Variants in USP34 observed in about 807,000 individuals in gnomAD.
USP34 encodes the protein ubiquitin carboxyl-terminal hydrolase 34.
In USP34, 70 loss-of-function variants were observed where a neutral mutation model predicts 460.3. The observed-to-expected ratio is 0.15, with a 90% CI of 0.13 to 0.19. USP34 has a LOEUF of 0.19. USP34 is among the 10% of genes least tolerant of loss of function. The pLI, the probability that USP34 is intolerant of heterozygous loss-of-function variation, is 1.00. For synonymous variants in USP34, 1,647 were observed against 1,405.3 expected (o/e 1.17, Z -3.85); for missense variants, 3,985 against 4,236.2 (o/e 0.94, Z 1.65).
intron 57 of USP34, among the ~76,000 whole-genome samples, chr2:61,233,732 G>A (rs1046654638): frequency 6.6e-6 from 1 of 152,016 alleles, no homozygotes; most frequent in South Asian, 2.1e-4. Flanking sequence ...GGCTGAGGGA[G>A]GAGGCTGAGG....
chr2:61,222,364 C>T (rs1006481459), intron 65 of USP34, among the ~76,000 whole-genome samples: 2 of 152,226 alleles, frequency 1.3e-5, no homozygotes, highest in Non-Finnish European at 2.9e-5. Context: ...AATCAAACAA[C>T]TTTAAAGCCT....
rs1688001857 is a variant in USP34 at position 61,234,353 on chromosome 2, C to G, written c.7032+1492G>C. Among the ~76,000 whole-genome samples, 3 of 152,154 alleles carry G rather than the reference C, an allele frequency of 2.0e-5. No individual in the cohort carries two copies. In the South Asian group the frequency reaches 6.2e-4, roughly 32 times the overall value. On this transcript the variant is annotated intron_variant, in intron 57 of 79. Coordinates refer to ENST00000398571, the MANE Select transcript of USP34 (RefSeq NM_014709.4). ...AGATTTACAACTCTTTGGTTGCTAA[C>G]CTAGAAGTTAAGATGGCAATATGAT... is the stretch of plus-strand genomic sequence containing the variant.
At chr2:61,386,910 G>A (rs1693163418) in intron 5 of USP34, among the ~76,000 whole-genome samples, 1 of 152,048 alleles carries the variant, frequency 6.6e-6, no homozygotes, top group Non-Finnish European at 1.5e-5. Flanking sequence ...ACAACATGAA[G>A]CTTGATGAAT....
At chr2:61,412,886 CA>C (rs10717013) in intron 2 of USP34, among the ~76,000 whole-genome samples, 4,773 of 72,584 alleles carry the variant, frequency 0.066, 200 homozygotes, top group African/African-American at 0.21. Flanking sequence ...AATCCCATCT[CA>C]AAAAAAAAAA....
intron 35 of USP34, 91 bp from the exon 36 acceptor site, chr2:61,283,540 ACTTCCCCCC>A: frequency 7.3e-7 from 1 of 1,376,330 alleles, no homozygotes; most frequent in Admixed American, 2.2e-5. Flanking sequence ...TAAGGTTATC[ACTTCCCCCC>A]CAAAAAAGGA....
At chr2:61,284,169 A>T (rs562096863) in intron 35 of USP34, among the ~76,000 whole-genome samples, 8 of 152,248 alleles carry the variant, frequency 5.3e-5, no homozygotes, top group Non-Finnish European at 4.4e-5. Flanking sequence ...GACTGAAATA[A>T]GTAAACCCTC....
intron 6 of USP34, 93 bp downstream of exon 6, chr2:61,383,176 T>C (rs1339835140): frequency 5.8e-6 from 5 of 857,684 alleles, no homozygotes; most frequent in African/African-American, 3.5e-5. Context: ...AGGATATGAC[T>C]ATAGGGGACT....
intron 2 of USP34, among the ~76,000 whole-genome samples, chr2:61,410,458 A>T (rs985724425): frequency 6.6e-6 from 1 of 152,230 alleles, no homozygotes; most frequent in East Asian, 1.9e-4. Context: ...TCACTCACTC[A>T]TCTGCCCTTC....
intron 30 of USP34, among the ~76,000 whole-genome samples, 181 bp from the exon 31 acceptor site, chr2:61,295,471 G>A (rs1689995881): frequency 6.6e-6 from 1 of 152,054 alleles, no homozygotes; most frequent in Admixed American, 6.6e-5. Context: ...CATCAATTAT[G>A]CATTAAATTT....
chr2:61,452,374 G>C (rs1255703844), intron 1 of USP34, among the ~76,000 whole-genome samples: 5 of 130,890 alleles, frequency 3.8e-5, no homozygotes, highest in Non-Finnish European at 6.2e-5. Context: ...ACCCAGGCTA[G>C]AGTGTAGTGG....
At chr2:61,241,710 A>T in intron 52 of USP34, 55 bp from the exon 53 acceptor site, 1 of 1,519,406 alleles carries the variant, frequency 6.6e-7, no homozygotes, top group South Asian at 1.2e-5. Flanking sequence ...TTACTCTAAA[A>T]GTAGACAATG....
intron 43 of USP34, among the ~76,000 whole-genome samples, chr2:61,263,920 A>T (rs560125460): frequency 6.6e-6 from 1 of 152,196 alleles, no homozygotes; most frequent in Non-Finnish European, 1.5e-5. Context: ...ATCTACTCAT[A>T]ATCAGCACAT....
At chr2:61,321,062 G>C (rs1690904335) in intron 21 of USP34, among the ~76,000 whole-genome samples, 1 of 152,128 alleles carries the variant, frequency 6.6e-6, no homozygotes, top group South Asian at 2.1e-4. Context: ...TTTAGTCCTA[G>C]CTACTTGGGA....
At chr2:61,195,545 A>G (rs1272994386) in intron 75 of USP34, among the ~76,000 whole-genome samples, 2 of 151,560 alleles carry the variant, frequency 1.3e-5, no homozygotes, top group Non-Finnish European at 2.9e-5. Flanking sequence ...GGTGGCACGC[A>G]CCTGTAATCC....
chr2:61,218,319 A>G (rs1483937665), intron 67 of USP34, among the ~76,000 whole-genome samples: 29 of 148,112 alleles, frequency 2.0e-4, no homozygotes, highest in African/African-American at 5.2e-4. Flanking sequence ...CTTCCAGGAA[A>G]AAAAAAAAAA....
At chr2:61,414,507 T>G (rs952544281) in intron 2 of USP34, among the ~76,000 whole-genome samples, 3 of 152,154 alleles carry the variant, frequency 2.0e-5, no homozygotes, top group Non-Finnish European at 2.9e-5. Context: ...AGAAAAGATG[T>G]CCTCTACAAC....
At chr2:61,420,080 T>C (rs1694313283) in intron 2 of USP34, among the ~76,000 whole-genome samples, 1 of 152,224 alleles carries the variant, frequency 6.6e-6, no homozygotes. Context: ...CATTCATTTA[T>C]GTATCACTGC....
At chr2:61,268,162 G>C (rs764031653) in intron 41 of USP34, among the ~76,000 whole-genome samples, 2 of 152,060 alleles carry the variant, frequency 1.3e-5, no homozygotes, top group Non-Finnish European at 2.9e-5. Flanking sequence ...ATAGTTTTTG[G>C]TGACTGATAT....
chr2:61,271,174 G>A (rs765316024), intron 41 of USP34, among the ~76,000 whole-genome samples: 6 of 152,022 alleles, frequency 3.9e-5, no homozygotes, highest in African/African-American at 7.2e-5. Context: ...GGTGACACAC[G>A]CCTGTAATCC....
Sources: gnomAD v4.1 joint callset for allele counts (sites outside exome capture counted in the v4.1 genomes callset) on GRCh38, gnomAD v4.1.1 for gene constraint, MANE v1.5 for transcripts, NCBI Gene and HGNC (gene_info 2026-07-23, HGNC 2026-07-21) for gene names.